Variants in FBXO11 observed in about 807,000 individuals in gnomAD.
FBXO11 encodes F-box protein 11, also known as F-box only protein 11.
A neutral mutation model predicts 117.0 loss-of-function variants in FBXO11; 13 were observed. The ratio of observed to expected loss-of-function variants is 0.11; its 90% CI spans 0.07 to 0.18. FBXO11 has a LOEUF of 0.18. Among genes scored for constraint, FBXO11 ranks in the 10% least tolerant of loss-of-function variants. The pLI is 1.00. For missense variants in FBXO11, 767 were observed against 1,164.4 expected (o/e 0.66, Z 4.97); for synonymous variants, 490 against 380.5 (o/e 1.29, Z -3.35).
chr2:47,842,779 T>TAAA (rs34363506), intron 1 of FBXO11, among the ~76,000 whole-genome samples: 2 of 134,032 alleles, frequency 1.5e-5, no homozygotes, highest in Admixed American at 7.5e-5. Flanking sequence ...AATTTTTCTT[T>TAAA]AAAAAAAAAA....
intron 7 of FBXO11, 142 bp from the exon 8 acceptor site, chr2:47,833,212 A>G (rs1241289212): frequency 4.9e-6 from 3 of 613,930 alleles, no homozygotes; most frequent in Non-Finnish European, 8.6e-6. Context: ...TTTCATCATC[A>G]GCCTTTGCTA....
At chr2:47,811,954 C>CCA (rs764131596) in intron 18 of FBXO11, among the ~76,000 whole-genome samples, 18 of 152,000 alleles carry the variant, frequency 1.2e-4, no homozygotes, top group Non-Finnish European at 2.6e-4. Flanking sequence ...CCCTGCCCCC[C>CCA]CAACCTTTTC....
chr2:47,881,028 G>A (rs1387014655), intron 1 of FBXO11, among the ~76,000 whole-genome samples: 1 of 152,118 alleles, frequency 6.6e-6, no homozygotes, highest in Non-Finnish European at 1.5e-5. Flanking sequence ...GCTGAGGTGG[G>A]CAGATCACAA....
At chr2:47,818,595 C>T (rs1572775552) in intron 16 of FBXO11, 184 bp downstream of exon 16, 112 of 545,914 alleles carry the variant, frequency 2.1e-4, no homozygotes, top group Middle Eastern at 5.3e-4. Flanking sequence ...CCAGTGGCTT[C>T]TGTCCTCACC....
At chr2:47,843,435 T>TC (rs1673165751) in intron 1 of FBXO11, among the ~76,000 whole-genome samples, 1 of 151,910 alleles carries the variant, frequency 6.6e-6, no homozygotes, top group South Asian at 2.1e-4. Flanking sequence ...GTTAATCTTT[T>TC]TTTTTTTTTT....
At chr2:47,826,229 T>C (rs976026982) in intron 11 of FBXO11, among the ~76,000 whole-genome samples, 3 of 151,964 alleles carry the variant, frequency 2.0e-5, no homozygotes, top group African/African-American at 7.3e-5. Context: ...AGCTAATTTT[T>C]TGTATTTTTA....
chr2:47,887,615 C>A lies in FBXO11; in HGVS notation c.232+17874G>T, dbSNP rs553511599. 2.0e-5 allele frequency among the ~76,000 whole-genome samples: 3 copies of A among 152,150 alleles called. No homozygotes were observed. The East Asian group carries it at 5.8e-4, about 29-fold the overall frequency. ...GTGGCTCATGCTTGTAATCCCAGTA[C>A]TTTGTGAGGCTGAGGTGGGCGAACT... is the stretch of plus-strand genomic sequence containing the variant. On this transcript the variant is annotated intron_variant, in intron 1 of 22. Transcript: ENST00000403359.
intron 1 of FBXO11, among the ~76,000 whole-genome samples, chr2:47,888,998 G>T (rs924223589): frequency 6.6e-6 from 1 of 152,096 alleles, no homozygotes; most frequent in East Asian, 1.9e-4. Context: ...GTAATTATAT[G>T]AACACACCTT....
At position 47,817,905 on chromosome 2, in the gene FBXO11, TGG is replaced by T. The variant is rs374096386; in HGVS notation, c.2006+872_2006+873del. 5.4e-4 allele frequency among the ~76,000 whole-genome samples: 82 copies of T among 152,318 alleles called. 1 individual carries two copies. The East Asian group carries it at 0.015, about 29-fold the overall frequency. On this transcript the variant is annotated intron_variant, in intron 16 of 22. Transcript: ENST00000403359. The stretch of plus-strand genomic sequence containing the variant: ...GCTCACGCCTGTGATCCCAGCACTT[TGG>T]GAGGCTGAGGCGGGTGGATCACCTG...
rs189128322 is a variant in FBXO11 at position 47,875,624 on chromosome 2, A to C, written c.232+29865T>G. 1.4e-4 allele frequency among the ~76,000 whole-genome samples: 21 copies of C among 152,244 alleles called. 1 individual carries two copies. Among genetic ancestry groups the C allele is most frequent in the African/African-American group, 5.1e-4 (21 of 41,570 alleles). ...TCTCATAATGGATGTTAGGTTTATA[A>C]AAAAGGGTCTAATGGACTCATATGG... On this transcript the variant is annotated intron_variant, in intron 1 of 22. Transcript: ENST00000403359.
At chr2:47,885,256 CA>C (rs1239420732) in intron 1 of FBXO11, among the ~76,000 whole-genome samples, 3 of 151,846 alleles carry the variant, frequency 2.0e-5, no homozygotes, top group South Asian at 2.1e-4. Flanking sequence ...ACTACAGTGT[CA>C]AAAAAAAGAA....
chr2:47,886,009 C>A (rs1290093463), intron 1 of FBXO11, among the ~76,000 whole-genome samples: 2 of 132,050 alleles, frequency 1.5e-5, no homozygotes, highest in African/African-American at 2.5e-5. Flanking sequence ...CAATACTTAA[C>A]CTCATGCATT....
At chr2:47,812,440 C>A (rs1045506408) in intron 18 of FBXO11, among the ~76,000 whole-genome samples, 3 of 152,180 alleles carry the variant, frequency 2.0e-5, no homozygotes, top group African/African-American at 7.2e-5. Flanking sequence ...TTTCTCAACA[C>A]CTTGCAAATA....
At chr2:47,838,583 C>G (rs567574470) in intron 4 of FBXO11, among the ~76,000 whole-genome samples, 3 of 152,124 alleles carry the variant, frequency 2.0e-5, no homozygotes, top group Non-Finnish European at 2.9e-5. Flanking sequence ...TTAAATTACA[C>G]TGTTATGTTT....
chr2:47,886,310 G>C (rs934471957), intron 1 of FBXO11, among the ~76,000 whole-genome samples: 4 of 152,040 alleles, frequency 2.6e-5, no homozygotes, highest in Non-Finnish European at 4.4e-5. Flanking sequence ...TTCAAGACCA[G>C]CCTGACCAAC....
At chr2:47,877,989 G>T (rs1676138149) in intron 1 of FBXO11, among the ~76,000 whole-genome samples, 1 of 151,876 alleles carries the variant, frequency 6.6e-6, no homozygotes, top group Non-Finnish European at 1.5e-5. Context: ...GGCCCAGAAT[G>T]AGGTCTTATA....
rs533280059 is a variant in FBXO11 at position 47,807,657 on chromosome 2, G to A, written c.*461C>T. The A allele has an allele frequency of 2.2e-4, 41 of 189,242 alleles. No individual in the cohort carries two copies. In the East Asian group the frequency reaches 2.7e-3, roughly 12 times the overall value. The allele number at this position is 189,242 out of a possible 1,614,324, so 11.7% of individuals were successfully genotyped here. On this transcript the variant is annotated 3_prime_UTR_variant, in exon 23 of 23. Coordinates refer to ENST00000403359, the MANE Select transcript of FBXO11 (RefSeq NM_001190274.2). Reference sequence around the variant, plus strand: ...GCATTAAAATCATATTTCTCAATCTGAATACATGTTAAAAAAAAAAAATCA... The same window carrying A: ...GCATTAAAATCATATTTCTCAATCTAAATACATGTTAAAAAAAAAAAATCA...
intron 1 of FBXO11, among the ~76,000 whole-genome samples, chr2:47,900,592 A>G (rs568367965): frequency 4.8e-5 from 7 of 145,178 alleles, no homozygotes; most frequent in South Asian, 2.2e-4. Flanking sequence ...ATATATACGT[A>G]TATACACACG....
At chr2:47,858,744 C>A (rs191221799) in intron 1 of FBXO11, among the ~76,000 whole-genome samples, 67 of 146,180 alleles carry the variant, frequency 4.6e-4, no homozygotes, top group Non-Finnish European at 8.6e-4. Flanking sequence ...AAAACCTGAA[C>A]TGACTTATCT....
Sources: allele counts gnomAD v4.1 joint callset (sites outside exome capture counted in the v4.1 genomes callset), GRCh38; gene constraint gnomAD v4.1.1; transcripts MANE v1.5; gene names NCBI Gene and HGNC (gene_info 2026-07-23, HGNC 2026-07-21).